PTPN13: variants seen among roughly 807,000 people sequenced by gnomAD.
PTPN13 encodes protein tyrosine phosphatase non-receptor type 13, also known as tyrosine-protein phosphatase non-receptor type 13.
A neutral mutation model predicts 284.0 loss-of-function variants in PTPN13; 191 were observed. The ratio of observed to expected loss-of-function variants is 0.67; its 90% CI spans 0.60 to 0.76. PTPN13 has a LOEUF of 0.76. Among genes scored for constraint, PTPN13 ranks in the 30% least tolerant of loss-of-function variants. The pLI is 0.00. For synonymous variants in PTPN13, 986 were observed against 1,022.3 expected, an observed-to-expected ratio of 0.96 and a Z score of 0.68; for missense variants, 2,797 against 2,939.9, an observed-to-expected ratio of 0.95 and a Z score of 1.12.
At position 86,701,802 on chromosome 4, in the gene PTPN13, G is replaced by A; in HGVS notation, c.1195+1G>A. 1 of 1,598,872 alleles carries A rather than the reference G, an allele frequency of 6.3e-7. No individual in the cohort carries two copies. Among genetic ancestry groups the A allele is most frequent in the Non-Finnish European group, 8.5e-7 (1 of 1,173,586 alleles). The stretch of plus-strand genomic sequence containing the variant: ...CTGAGGGAAGCCATGAATGTAGAAG[G>A]TTAGTAATTCTGTGCATGTTTGAGA... On this transcript the variant is annotated splice_donor_variant, in intron 7 of 47. Coordinates refer to ENST00000411767, the MANE Select transcript of PTPN13 (RefSeq NM_080683.3). LOFTEE classifies it high-confidence loss of function.
chr4:86,701,958 C>T (rs1731214320), intron 7 of PTPN13, among the ~76,000 whole-genome samples, 157 bp downstream of exon 7: 1 of 152,036 alleles, frequency 6.6e-6, no homozygotes, highest in Admixed American at 6.6e-5. Flanking sequence ...TTCTGTTCTC[C>T]CTTCCATCAA....
chr4:86,629,360 C>T (rs1292526350), intron 1 of PTPN13, among the ~76,000 whole-genome samples: 1 of 148,686 alleles, frequency 6.7e-6, no homozygotes. Context: ...CTCATCATCA[C>T]TGGCCATCAG....
intron 32 of PTPN13, among the ~76,000 whole-genome samples, chr4:86,773,838 G>A (rs776574656): frequency 2.0e-5 from 3 of 151,242 alleles, no homozygotes; most frequent in African/African-American, 4.9e-5. Flanking sequence ...AACAACCTCC[G>A]TGTCTCATTT....
chr4:86,691,705 T>G (rs1034910596), intron 5 of PTPN13, among the ~76,000 whole-genome samples: 1 of 152,198 alleles, frequency 6.6e-6, no homozygotes, highest in African/African-American at 2.4e-5. Flanking sequence ...TTAAATAACT[T>G]GCACATAGTC....
At chr4:86,659,138 T>G (rs541869517) in intron 2 of PTPN13, among the ~76,000 whole-genome samples, 2 of 152,218 alleles carry the variant, frequency 1.3e-5, no homozygotes, top group East Asian at 3.9e-4. Flanking sequence ...ATAAACATCA[T>G]ATATAATTTA....
intron 35 of PTPN13, among the ~76,000 whole-genome samples, chr4:86,777,555 C>T (rs1024748225): frequency 6.6e-6 from 1 of 152,132 alleles, no homozygotes; most frequent in African/African-American, 2.4e-5. Flanking sequence ...AGGATTAGAA[C>T]AGAATCATTA....
chr4:86,735,001 C>G, intron 14 of PTPN13, 126 bp downstream of exon 14: 2 of 1,077,184 alleles, frequency 1.9e-6, no homozygotes, highest in Non-Finnish European at 2.6e-6. Flanking sequence ...TTCTTTGGTT[C>G]CTCAGAATGA....
At chr4:86,701,902 C>G (rs1731207591) in intron 7 of PTPN13, 101 bp downstream of exon 7, 8 of 1,212,566 alleles carry the variant, frequency 6.6e-6, no homozygotes, top group Non-Finnish European at 7.8e-6. Flanking sequence ...CTTATTTTCA[C>G]TGCCAAATTT....
Position 86,734,741 on chromosome 4 carries a change from A to ACT in PTPN13, c.2020_2021dup (p.Thr675Ter). The stretch of plus-strand genomic sequence containing the variant: ...TGTGTGTGTTTGTTTTTTCAGACAT[A>ACT]CTCTGACGTGTCATCAGTATTACCT... On this transcript the variant is annotated frameshift_variant, in exon 14 of 48. Transcript: ENST00000411767. LOFTEE classifies it high-confidence loss of function. 1 of 1,610,056 alleles carries ACT rather than the reference A, an allele frequency of 6.2e-7. No individual in the cohort carries two copies. The highest frequency in any genetic ancestry group is 8.5e-7 in the Non-Finnish European group (1 of 1,177,188).
chr4:86,693,795 A>G (rs1448275431), intron 6 of PTPN13, 121 bp downstream of exon 6: 3 of 587,372 alleles, frequency 5.1e-6, no homozygotes, highest in Non-Finnish European at 8.3e-6. Flanking sequence ...ACGTAAACGT[A>G]CAAACTGGAG....
intron 17 of PTPN13, among the ~76,000 whole-genome samples, chr4:86,747,894 A>G (rs1230705373): frequency 6.6e-6 from 1 of 152,198 alleles, no homozygotes; most frequent in African/African-American, 2.4e-5. Context: ...TTAGAGTCAT[A>G]GAATATTGAT....
At position 86,681,070 on chromosome 4, in the gene PTPN13, G is replaced by A. The variant is rs530444818; in HGVS notation, c.295-5640G>A. 2.0e-5 allele frequency among the ~76,000 whole-genome samples: 3 copies of A among 152,244 alleles called. No individual in the cohort carries two copies. The South Asian group carries it at 6.2e-4, about 32-fold the overall frequency. ...ATGATGTGCAGGGAATATGCACAAT[G>A]ATAATAGATCTATACAGAATATTAA... On this transcript the variant is annotated intron_variant, in intron 3 of 47. Transcript: ENST00000411767.
At chr4:86,680,347 C>A (rs569621896) in intron 3 of PTPN13, among the ~76,000 whole-genome samples, 315 of 142,642 alleles carry the variant, frequency 2.2e-3, no homozygotes, top group Non-Finnish European at 3.0e-3. Flanking sequence ...TTCTATCTAT[C>A]TCTATCTATC....
chr4:86,763,660 C>G (rs541134087), intron 24 of PTPN13, among the ~76,000 whole-genome samples: 4 of 152,192 alleles, frequency 2.6e-5, no homozygotes, highest in Non-Finnish European at 4.4e-5. Flanking sequence ...ATAATCCCAA[C>G]ACTTTGGGAA....
intron 12 of PTPN13, among the ~76,000 whole-genome samples, chr4:86,733,164 C>T (rs532779152): frequency 4.6e-5 from 7 of 152,144 alleles, no homozygotes; most frequent in African/African-American, 1.7e-4. Flanking sequence ...CCTAAAATCA[C>T]AGTGACTTTT....
intron 32 of PTPN13, among the ~76,000 whole-genome samples, chr4:86,773,714 T>C (rs1448270903): frequency 1.3e-5 from 2 of 151,988 alleles, no homozygotes; most frequent in East Asian, 3.9e-4. Flanking sequence ...TGCCTATAAT[T>C]GTGCATGTGT....
Position 86,807,554 on chromosome 4 carries a change from T to C in PTPN13, c.6746-6T>C. On this transcript the variant is annotated splice_region_variant and splice_polypyrimidine_tract_variant and intron_variant, in intron 44 of 47. Transcript: ENST00000411767. ...ATGGCTCTGTTTTGTGGTGGAAAAT[T>C]CACAGATGATGCTACAAGAGTGCCT... The C allele has an allele frequency of 6.3e-7, 1 of 1,591,260 alleles. No homozygotes were observed. Among genetic ancestry groups the C allele is most frequent in the South Asian group, 1.1e-5 (1 of 88,028 alleles).
intron 7 of PTPN13, among the ~76,000 whole-genome samples, chr4:86,706,411 T>C (rs1422196895): frequency 1.3e-5 from 2 of 152,154 alleles, no homozygotes; most frequent in African/African-American, 2.4e-5. Context: ...AATTATATAA[T>C]TTTTAATACA....
intron 9 of PTPN13, among the ~76,000 whole-genome samples, chr4:86,718,790 T>G (rs1260747175): frequency 6.6e-6 from 1 of 152,188 alleles, no homozygotes. Flanking sequence ...CTTTTGTTTT[T>G]TGTACTTTTT....
Sources: allele counts gnomAD v4.1 joint callset (sites outside exome capture counted in the v4.1 genomes callset), GRCh38; gene constraint gnomAD v4.1.1; transcripts MANE v1.5; gene names NCBI Gene and HGNC (gene_info 2026-07-23, HGNC 2026-07-21).